DTWD2: variants seen among roughly 807,000 people sequenced by gnomAD.
The protein encoded by DTWD2 is tRNA-uridine aminocarboxypropyltransferase 2.
Under a neutral mutation model 31.8 loss-of-function variants are expected in DTWD2, and 39 were observed. The observed-to-expected ratio is 1.22, with a 90% CI of 0.95 to 1.60. The LOEUF is 1.60. Ranked by LOEUF, DTWD2 falls within the 40% of genes most tolerant of loss-of-function variation. The pLI, the probability that DTWD2 is intolerant of heterozygous loss-of-function variation, is 0.00. For missense variants in DTWD2, 515 were observed against 381.5 expected, an observed-to-expected ratio of 1.35 and a Z score of -2.92; for synonymous variants, 180 against 142.8, an observed-to-expected ratio of 1.26 and a Z score of -1.86.
At chr5:118,857,561 T>G (rs1752166760) in intron 4 of DTWD2, among the ~76,000 whole-genome samples, 2 of 152,218 alleles carry the variant, frequency 1.3e-5, no homozygotes, top group African/African-American at 4.8e-5. Context: ...TACAAATATC[T>G]TCTCACTGTG....
At chr5:118,842,771 A>T (rs1010719844) in intron 5 of DTWD2, among the ~76,000 whole-genome samples, 4 of 61,894 alleles carry the variant, frequency 6.5e-5, no homozygotes, top group African/African-American at 3.6e-4. Flanking sequence ...TGTTTCTATT[A>T]AAAAAAAAAA....
intron 4 of DTWD2, among the ~76,000 whole-genome samples, chr5:118,906,205 G>T (rs1257614366): frequency 6.6e-6 from 1 of 152,126 alleles, no homozygotes; most frequent in African/African-American, 2.4e-5. Flanking sequence ...AAGTGTTGTT[G>T]GAGATAAGAA....
chr5:118,971,937 A>G (rs1754996619), intron 1 of DTWD2, among the ~76,000 whole-genome samples: 1 of 152,248 alleles, frequency 6.6e-6, no homozygotes, highest in Non-Finnish European at 1.5e-5. Flanking sequence ...GAACAAAGAG[A>G]CACTGCACCA....
Position 118,936,654 on chromosome 5 carries a change from T to A in DTWD2, c.404+2542A>T, listed in dbSNP as rs149810566. On this transcript the variant is annotated intron_variant, in intron 3 of 5. Coordinates refer to ENST00000510708, the MANE Select transcript of DTWD2 (RefSeq NM_173666.4). Reference sequence around the variant, plus strand: ...ACCCCATCTCAATTTATTTTTTTTTTAAATTTATGCTTATATGAATGAACA... The same window carrying A: ...ACCCCATCTCAATTTATTTTTTTTTAAAATTTATGCTTATATGAATGAACA... Among the ~76,000 whole-genome samples the A allele has an allele frequency of 6.4e-4, 98 of 152,068 alleles. 1 individual carries two copies. Among genetic ancestry groups the A allele is most frequent in the East Asian group, 3.1e-3 (16 of 5,184 alleles).
intron 4 of DTWD2, among the ~76,000 whole-genome samples, chr5:118,890,899 A>T (rs2149560104): frequency 6.6e-6 from 1 of 152,296 alleles, no homozygotes; most frequent in South Asian, 2.1e-4. Context: ...TGCCTAGTTC[A>T]TTTGTGTTAA....
chr5:118,867,155 A>C (rs953464280), intron 4 of DTWD2, among the ~76,000 whole-genome samples: 1 of 152,168 alleles, frequency 6.6e-6, no homozygotes, highest in African/African-American at 2.4e-5. Context: ...ATTGGCCTGA[A>C]ACAGACAAGC....
At position 118,836,557 on chromosome 5, in the gene DTWD2, A is replaced by T. The variant is rs1159675569; in HGVS notation, c.*4360T>A. On this transcript the variant is annotated 3_prime_UTR_variant, in exon 6 of 6. Transcript: ENST00000510708. ...TGGCTCAAGTGAATAATTCTTAAAA[A>T]TTGAAAAACAATTACTTATTTCTCT... 1.3e-5 allele frequency among the ~76,000 whole-genome samples: 2 copies of T among 152,228 alleles called. No homozygotes were observed. The highest frequency in any genetic ancestry group is 4.8e-5 in the African/African-American group (2 of 41,462).
At chr5:118,987,981 C>G (rs1409457212) in intron 1 of DTWD2, 2 of 635,476 alleles carry the variant, frequency 3.1e-6, no homozygotes, top group Non-Finnish European at 5.7e-6. Context: ...AACTATTTTA[C>G]AAGTATTACT....
rs532423281 is a variant in DTWD2 at position 118,930,815 on chromosome 5, G to C, written c.405-2086C>G. Among the ~76,000 whole-genome samples the C allele has an allele frequency of 2.0e-5, 3 of 151,660 alleles. No individual in the cohort carries two copies. The East Asian group carries it at 5.8e-4, about 29-fold the overall frequency. ...TGGATAACAAATAGGAAAATCAATA[G>C]AAACACAGAGTAGACTAGTGTTTGC... is the stretch of plus-strand genomic sequence containing the variant. On this transcript the variant is annotated intron_variant, in intron 3 of 5. Transcript: ENST00000510708.
chr5:118,951,094 A>G (rs896819366), intron 1 of DTWD2, among the ~76,000 whole-genome samples: 8 of 152,156 alleles, frequency 5.3e-5, no homozygotes, highest in African/African-American at 1.9e-4. Context: ...GAGGCTGGAT[A>G]AAGAAAAAGG....
At chr5:118,958,565 C>G (rs1464733742) in intron 1 of DTWD2, among the ~76,000 whole-genome samples, 1 of 142,576 alleles carries the variant, frequency 7.0e-6, no homozygotes, top group South Asian at 2.3e-4. Flanking sequence ...ATAACATTAA[C>G]ACCAACCCCA....
intron 5 of DTWD2, among the ~76,000 whole-genome samples, chr5:118,847,140 T>C (rs1233888818): frequency 6.6e-6 from 1 of 152,152 alleles, no homozygotes; most frequent in Non-Finnish European, 1.5e-5. Context: ...TCTTGGTAGC[T>C]AATACATTTA....
At chr5:118,972,010 CAAAAAGCTAGTA>C (rs754800666) in intron 1 of DTWD2, among the ~76,000 whole-genome samples, 2 of 152,094 alleles carry the variant, frequency 1.3e-5, no homozygotes, top group Non-Finnish European at 2.9e-5. Context: ...ATGCCCACAT[CAAAAAGCTAGTA>C]AGATCTCAAA....
intron 1 of DTWD2, among the ~76,000 whole-genome samples, chr5:118,983,213 C>A (rs1755346191): frequency 6.6e-6 from 1 of 152,136 alleles, no homozygotes; most frequent in African/African-American, 2.4e-5. Flanking sequence ...GCAGGAACGA[C>A]TGGGAGCTAC....
At chr5:118,868,740 G>A (rs1375821022) in intron 4 of DTWD2, among the ~76,000 whole-genome samples, 2 of 151,420 alleles carry the variant, frequency 1.3e-5, no homozygotes, top group African/African-American at 2.4e-5. Context: ...TCAGGAGACT[G>A]AGGCAGAAGG....
intron 4 of DTWD2, among the ~76,000 whole-genome samples, chr5:118,923,594 C>A (rs938169032): frequency 6.6e-6 from 1 of 152,194 alleles, no homozygotes; most frequent in Admixed American, 6.5e-5. Context: ...GCCCTAGGAT[C>A]AAGGTAATAC....
chr5:118,922,580 T>C (rs570112114), intron 4 of DTWD2, among the ~76,000 whole-genome samples: 1 of 152,248 alleles, frequency 6.6e-6, no homozygotes, highest in Non-Finnish European at 1.5e-5. Flanking sequence ...AAAAACTGAT[T>C]TAAATTTTCT....
At chr5:118,942,895 T>C (rs1190768544) in intron 2 of DTWD2, among the ~76,000 whole-genome samples, 1 of 151,968 alleles carries the variant, frequency 6.6e-6, no homozygotes. Context: ...CTAAAACTCC[T>C]GTACAGAAGG....
At chr5:118,952,259 G>A (rs565586100) in intron 1 of DTWD2, among the ~76,000 whole-genome samples, 31 of 152,294 alleles carry the variant, frequency 2.0e-4, no homozygotes, top group Middle Eastern at 3.4e-3. Flanking sequence ...TCCGAGTCAC[G>A]GCACCAAATG....
Sources: allele counts gnomAD v4.1 joint callset (sites outside exome capture counted in the v4.1 genomes callset), GRCh38; gene constraint gnomAD v4.1.1; transcripts MANE v1.5; gene names NCBI Gene and HGNC (gene_info 2026-07-23, HGNC 2026-07-21).